CEP162: variants seen among roughly 807,000 people sequenced by gnomAD.
The protein encoded by CEP162 is centrosomal protein of 162 kDa.
A neutral mutation model predicts 169.2 loss-of-function variants in CEP162; 141 were observed. The ratio of observed to expected loss-of-function variants is 0.83; its 90% CI spans 0.73 to 0.96. The LOEUF is 0.96. Among genes scored for constraint, CEP162 ranks in the 40% least tolerant of loss-of-function variants. The pLI, the probability that CEP162 is intolerant of heterozygous loss-of-function variation, is 0.00. For synonymous variants in CEP162, 540 were observed against 526.4 expected, an observed-to-expected ratio of 1.03 and a Z score of -0.35; for missense variants, 1,600 against 1,587.2, an observed-to-expected ratio of 1.01 and a Z score of -0.14.
At chr6:84,187,724 C>A (rs572706422) in intron 11 of CEP162, among the ~76,000 whole-genome samples, 1 of 152,100 alleles carries the variant, frequency 6.6e-6, no homozygotes, top group Non-Finnish European at 1.5e-5. Context: ...TTTACAGTGG[C>A]AAAACATTGC....
intron 11 of CEP162, among the ~76,000 whole-genome samples, chr6:84,190,553 GA>G (rs2099539437): frequency 6.6e-6 from 1 of 151,974 alleles, no homozygotes; most frequent in Non-Finnish European, 1.5e-5. Context: ...AGCCCAGCGA[GA>G]CCACGAGCCC....
At position 84,214,171 on chromosome 6, in the gene CEP162, C is replaced by T. The variant is rs558890436; in HGVS notation, c.503+1111G>A. Among the ~76,000 whole-genome samples the T allele has an allele frequency of 2.6e-5, 4 of 152,138 alleles. No individual in the cohort carries two copies. The East Asian group carries it at 7.8e-4, about 29-fold the overall frequency. On this transcript the variant is annotated intron_variant, in intron 5 of 26. Coordinates refer to ENST00000403245, the MANE Select transcript of CEP162 (RefSeq NM_014895.4). ...GCAGGCGCCTGTAGTCCCAGCTACT[C>T]GGGAGGCTGAGGCAGGAGAATGGTG...
chr6:84,144,948 A>G (rs774024442), intron 25 of CEP162, among the ~76,000 whole-genome samples: 23 of 152,166 alleles, frequency 1.5e-4, no homozygotes, highest in Admixed American at 3.9e-4. Flanking sequence ...AAATATTTGC[A>G]TAAGTTCAGT....
At chr6:84,143,141 A>G (rs1450023829) in intron 25 of CEP162, among the ~76,000 whole-genome samples, 3 of 152,098 alleles carry the variant, frequency 2.0e-5, no homozygotes, top group Non-Finnish European at 4.4e-5. Context: ...GAATATCTAG[A>G]TCATTTCCAA....
rs545354114 is a variant in CEP162 at position 84,126,608 on chromosome 6, T to C, written c.3871-96A>G. The stretch of plus-strand genomic sequence containing the variant: ...AATATTTGTATAAAATTTCTCTATA[T>C]AAGTAAGAGGCACCTTGGATTGTTA... On this transcript the variant is annotated intron_variant, in intron 25 of 26. Transcript: ENST00000403245. 1.3e-5 allele frequency: 11 copies of C among 859,750 alleles called. No individual in the cohort carries two copies. The South Asian group carries it at 2.2e-4, about 17-fold the overall frequency. 53.3% of individuals were successfully genotyped at this position (859,750 alleles called of 1,614,324 possible).
chr6:84,199,669 A>G (rs1035233272), intron 9 of CEP162, among the ~76,000 whole-genome samples: 1 of 152,144 alleles, frequency 6.6e-6, no homozygotes, highest in African/African-American at 2.4e-5. Context: ...GGTTTAGTTA[A>G]CCAGTATCCA....
At position 84,161,726 on chromosome 6, in the gene CEP162, CATTCTGAAATATCTATTACCTCAAGTTTG is replaced by C; in HGVS notation, c.2667_2676+19del. 6.5e-7 allele frequency: 1 copy of C among 1,538,268 alleles called. No homozygotes were observed. Among genetic ancestry groups the C allele is most frequent in the Non-Finnish European group, 8.8e-7 (1 of 1,133,506 alleles). ...AAAGGATTCATCTAGAGAAGAAATA[CATTCTGAAATATCTATTACCTCAAGTTTG>C]AGCTTCTCAATTTCCTCATTTGCTT... On this transcript the variant is annotated splice_donor_variant and splice_donor_5th_base_variant and coding_sequence_variant and intron_variant, in exon 20 of 27. Coordinates refer to ENST00000403245, the MANE Select transcript of CEP162 (RefSeq NM_014895.4). LOFTEE classifies it high-confidence loss of function.
chr6:84,141,086 G>A (rs1371163562), intron 25 of CEP162, among the ~76,000 whole-genome samples: 2 of 151,880 alleles, frequency 1.3e-5, no homozygotes, highest in Non-Finnish European at 2.9e-5. Flanking sequence ...AGGAGGCGGA[G>A]ATCAGGCAGT....
At position 84,226,407 on chromosome 6, in the gene CEP162, G is replaced by A. The variant is rs1306226028; in HGVS notation, c.-14C>T. ...ACAGTTAGCCATAGTCAACAATTTT[G>A]ACCTCCCAAAGTAAACATTCTAAAG... On this transcript the variant is annotated 5_prime_UTR_variant, in exon 2 of 27. The change creates a premature stop within an existing upstream ORF in the 5' untranslated region. Transcript: ENST00000403245. The A allele has an allele frequency of 6.4e-7, 1 of 1,557,400 alleles. No individual in the cohort carries two copies.
In CEP162 at chr6:84,175,242, T is replaced by C; in HGVS notation, c.1769A>G (p.Glu590Gly). ...STRKKSENPTETDSCIQFQTD... is the reference protein window; with the variant it reads ...STRKKSENPTGTDSCIQFQTD... ...CTGAAACTGAATACAGGAATCAGTT[T>C]CTGTGGGATTTTCAGACTTCTTACG... Residue 590 changes from glutamate to glycine, a missense_variant, in exon 14 of 27, where the codon GAA becomes GGA. By Grantham distance (98) the Glu-to-Gly change is moderately conservative. Transcript: ENST00000403245. The C allele has an allele frequency of 6.5e-7, 1 of 1,542,366 alleles. No individual in the cohort carries two copies. The highest frequency in any genetic ancestry group is 1.7e-4 in the Middle Eastern group (1 of 5,964).
At chr6:84,163,547 C>T (rs908195357) in intron 18 of CEP162, among the ~76,000 whole-genome samples, 1 of 151,838 alleles carries the variant, frequency 6.6e-6, no homozygotes, top group South Asian at 2.1e-4. Context: ...CCCATGAATT[C>T]TCTTGCTTGG....
At chr6:84,127,747 C>A (rs1177617594) in intron 25 of CEP162, among the ~76,000 whole-genome samples, 4 of 151,822 alleles carry the variant, frequency 2.6e-5, no homozygotes, top group Non-Finnish European at 5.9e-5. Context: ...CCTGGTACAC[C>A]AGTTAGGAAG....
rs142430450 is a variant in CEP162 at position 84,135,672 on chromosome 6, G to A, written c.3871-9160C>T. On this transcript the variant is annotated intron_variant, in intron 25 of 26. Coordinates refer to ENST00000403245, the MANE Select transcript of CEP162 (RefSeq NM_014895.4). ...GAGGTCAGGGGTTCCAGACCAGCCT[G>A]GCCGACATGGTGAAACTCCATCTCT... Among the ~76,000 whole-genome samples the A allele has an allele frequency of 2.4e-4, 36 of 152,294 alleles. 1 individual carries two copies. Among genetic ancestry groups the A allele is most frequent in the African/African-American group, 8.7e-4 (36 of 41,554 alleles).
chr6:84,166,112 A>C (rs1483923667), intron 18 of CEP162, among the ~76,000 whole-genome samples: 2 of 152,208 alleles, frequency 1.3e-5, no homozygotes, highest in East Asian at 3.8e-4. Flanking sequence ...GAGAATGCCT[A>C]CCTTCAAGAA....
chr6:84,175,910 A>G (rs541717309), intron 13 of CEP162, among the ~76,000 whole-genome samples: 1 of 152,230 alleles, frequency 6.6e-6, no homozygotes, highest in Admixed American at 6.5e-5. Flanking sequence ...AAACTTGGCA[A>G]TATATATTAA....
intron 4 of CEP162, 114 bp from the exon 5 acceptor site, chr6:84,215,579 A>T: frequency 8.9e-7 from 1 of 1,126,080 alleles, no homozygotes; most frequent in Non-Finnish European, 1.2e-6. Context: ...ACAAATATTT[A>T]CTCTCACTCA....
intron 11 of CEP162, among the ~76,000 whole-genome samples, chr6:84,191,343 G>A (rs73485354): frequency 0.036 from 5,518 of 152,198 alleles, 363 homozygotes; most frequent in African/African-American, 0.13. Flanking sequence ...GGAATGAGGG[G>A]CTATATAGAA....
Position 84,186,607 on chromosome 6 carries a change from C to A in CEP162, c.1126G>T (p.Glu376Ter), listed in dbSNP as rs147899066. The A allele has an allele frequency of 6.2e-7, 1 of 1,602,264 alleles. No homozygotes were observed. Among genetic ancestry groups the A allele is most frequent in the African/African-American group, 1.3e-5 (1 of 74,450 alleles). ...CTAAAAAATTCAGTTTCTTTTCTTT[C>A]GGCCACTTTCTCAGAGCTATAAAAC... Reference protein sequence around the residue: ...LQPVSSEKVAERKETEFFSSL... With the variant: ...LQPVSSEKVA Residue 376 changes from glutamate to a stop codon, truncating the protein, a stop_gained, in exon 12 of 27, where the codon GAA becomes TAA. Coordinates refer to ENST00000403245, the MANE Select transcript of CEP162 (RefSeq NM_014895.4). LOFTEE classifies it high-confidence loss of function.
chr6:84,197,825 CAAAAAAAAA>C (rs564556727), intron 9 of CEP162, among the ~76,000 whole-genome samples: 16 of 64,180 alleles, frequency 2.5e-4, no homozygotes, highest in African/African-American at 6.0e-4. Flanking sequence ...TCAAACAAAA[CAAAAAAAAA>C]AAAAAAAAAG....
Sources: gnomAD v4.1 joint callset for allele counts (sites outside exome capture counted in the v4.1 genomes callset) on GRCh38, gnomAD v4.1.1 for gene constraint, MANE v1.5 for transcripts, NCBI Gene and HGNC (gene_info 2026-07-23, HGNC 2026-07-21) for gene names.